The following MBLAC1 variants were observed in gnomAD, a reference collection of about 807,000 sequenced individuals.
MBLAC1 encodes metallo-beta-lactamase domain containing 1.
In MBLAC1, 1 loss-of-function variant was observed where a neutral mutation model predicts 1.5. That is an observed-to-expected ratio of 0.68 (90% CI 0.24 to 3.21). MBLAC1 has a LOEUF of 3.21. Among genes scored for constraint, MBLAC1 ranks in the 30% most tolerant of loss-of-function variants. MBLAC1 has a pLI of 0.20. For synonymous variants in MBLAC1, 197 were observed against 191.3 expected (o/e 1.03, Z -0.25); for missense variants, 371 against 384.7 (o/e 0.96, Z 0.30).
Position 100,127,941 on chromosome 7 carries a change from G to C in MBLAC1, c.546G>C (p.Thr182=), listed in dbSNP as rs369014996. ...ACGTGAGCGTGGTGGTGGCCGGCAC[G>C]GCTCTGGGCACCGTGGTGGTGGCGG... The part of the protein sequence containing the change: ...QRDVSVVVAG[T]ALGTVVVAGD... Residue 182 remains threonine, a synonymous_variant, in exon 2 of 2, where the codon ACG becomes ACC. Transcript: ENST00000398075. This position sits in a 1 kb window ranked among gnomAD's most constrained non-coding sequence, Gnocchi z 4.6. 43 of 1,598,290 alleles carry C rather than the reference G, an allele frequency of 2.7e-5. No individual in the cohort carries two copies. The highest frequency in any genetic ancestry group is 3.4e-5 in the Non-Finnish European group (40 of 1,172,634).
rs1275450526 is a variant in MBLAC1, at chr7:100,127,524, C to T, written c.129C>T (p.Ser43=). The change falls in exon 2 of 2, where the codon TCC becomes TCT. Residue 43 remains serine, a synonymous_variant. Transcript: ENST00000398075. The surrounding 1 kb of genome is among the most constrained non-coding windows in gnomAD (Gnocchi z 4.6). The part of the protein sequence containing the change: ...GVGDAVRADG[S]VTLVLPQTRG... ...GCGATGCCGTGCGCGCCGACGGCTCCGTGACCCTGGTCCTACCCCAGACCC... is the reference window on the plus strand; with the variant it reads ...GCGATGCCGTGCGCGCCGACGGCTCTGTGACCCTGGTCCTACCCCAGACCC... 6.4e-7 allele frequency: 1 copy of T among 1,567,744 alleles called. No homozygotes were observed. The highest frequency in any genetic ancestry group is 1.8e-5 in the Admixed American group (1 of 57,130).
chr7:100,127,892 C>A lies in MBLAC1; in HGVS notation c.497C>A (p.Thr166Lys), dbSNP rs1798269795. ...RLGPGLEVWATPGHGGQRDVS... is the reference protein window; with the variant it reads ...RLGPGLEVWAKPGHGGQRDVS... ...GGCCCGGGGCTCGAGGTGTGGGCCA[C>A]GCCGGGCCACGGGGGCCAGCGCGAC... The change falls in exon 2 of 2, where the codon ACG (threonine) becomes AAG (lysine). Residue 166 changes from threonine (T) to lysine (K), a missense_variant. Transcript: ENST00000398075. This position sits in a 1 kb window ranked among gnomAD's most constrained non-coding sequence, Gnocchi z 4.6. 2 of 1,565,372 alleles carry A rather than the reference C, an allele frequency of 1.3e-6. No homozygotes were observed.
chr7:100,128,141 G>A lies in MBLAC1; in HGVS notation c.746G>A (p.Gly249Glu), dbSNP rs1584594885. 2.5e-6 allele frequency: 4 copies of A among 1,606,166 alleles called. No homozygotes were observed. Among genetic ancestry groups the A allele is most frequent in the Non-Finnish European group, 3.4e-6 (4 of 1,176,694 alleles). Residue 249 changes from glycine to glutamate, a missense_variant, in exon 2 of 2, where the codon GGA (glycine) becomes GAA (glutamate). Coordinates refer to ENST00000398075, the MANE Select transcript of MBLAC1 (RefSeq NM_203397.3). ...REASQPETEG[G>E]GNSQQEPVVG... ...GCCTCGCAGCCCGAGACGGAGGGTG[G>A]AGGGAACAGCCAGCAGGAGCCGGTG...
Position 100,127,333 on chromosome 7 carries a change from A to G in MBLAC1, c.-28-35A>G. The G allele has an allele frequency of 6.9e-7, 1 of 1,439,292 alleles. No individual in the cohort carries two copies. The highest frequency in any genetic ancestry group is 2.2e-5 in the Admixed American group (1 of 46,484). The allele number at this position is 1,439,292 out of a possible 1,614,324, so 89.2% of individuals were successfully genotyped here. On this transcript the variant is annotated intron_variant, in intron 1 of 1. Coordinates refer to ENST00000398075, the MANE Select transcript of MBLAC1 (RefSeq NM_203397.3). This position sits in a 1 kb window ranked among gnomAD's most constrained non-coding sequence, Gnocchi z 4.6. Reference sequence around the variant, plus strand: ...GGGTGGGGGATCGCGGAGGGACAGGACGGTCGCCCACTGCTCCATTTCCTT... The same window carrying G: ...GGGTGGGGGATCGCGGAGGGACAGGGCGGTCGCCCACTGCTCCATTTCCTT...
chr7:100,128,277 G>T lies in MBLAC1; in HGVS notation c.*81G>T. 7.3e-7 allele frequency: 1 copy of T among 1,366,298 alleles called. No homozygotes were observed. The highest frequency in any genetic ancestry group is 2.5e-5 in the East Asian group (1 of 39,664). The allele number at this position is 1,366,298 out of a possible 1,614,324, so 84.6% of individuals were successfully genotyped here. A position where few individuals can be genotyped will look rare whatever the true frequency, so the allele number is the denominator to read the frequency against. ...CTGGAGACAGAGTCAGAGCAGTCAAGGGTGGGAGCTTCCAGCCCTTCCAGG... is the reference window on the plus strand; with the variant it reads ...CTGGAGACAGAGTCAGAGCAGTCAATGGTGGGAGCTTCCAGCCCTTCCAGG... On this transcript the variant is annotated 3_prime_UTR_variant, in exon 2 of 2. Transcript: ENST00000398075.
rs748821424 is a variant in MBLAC1, at chr7:100,127,926, G to T, written c.531G>T (p.Val177=). 17 of 1,589,284 alleles carry T rather than the reference G, an allele frequency of 1.1e-5. No individual in the cohort carries two copies. The South Asian group carries it at 1.8e-4, about 17-fold the overall frequency. ...ACGGGGGCCAGCGCGACGTGAGCGT[G>T]GTGGTGGCCGGCACGGCTCTGGGCA... ...PGHGGQRDVS[V]VVAGTALGTV... Residue 177 remains valine, a synonymous_variant, in exon 2 of 2, where the codon GTG becomes GTT. Coordinates refer to ENST00000398075, the MANE Select transcript of MBLAC1 (RefSeq NM_203397.3). This position sits in a 1 kb window ranked among gnomAD's most constrained non-coding sequence, Gnocchi z 4.6.
rs766542771 is a variant in MBLAC1, at chr7:100,127,974, G to A, written c.579G>A (p.Val193=). The change falls in exon 2 of 2, where the codon GTG becomes GTA. Residue 193 remains valine (V), a synonymous_variant. Coordinates refer to ENST00000398075, the MANE Select transcript of MBLAC1 (RefSeq NM_203397.3). The surrounding 1 kb of genome is among the most constrained non-coding windows in gnomAD (Gnocchi z 4.6). ...GCACCGTGGTGGTGGCGGGAGATGT[G>A]TTTGAGCGAGATGGGGACGAGGATT... ...ALGTVVVAGD[V]FERDGDEDSW... 24 of 1,611,274 alleles carry A rather than the reference G, an allele frequency of 1.5e-5. No homozygotes were observed. In the Admixed American group the frequency reaches 4.0e-4, roughly 27 times the overall value.
In MBLAC1 at chr7:100,127,126, G is replaced by A; in HGVS notation, c.-29+62G>A. Reference sequence around the variant, plus strand: ...AAGGATAGCCTTTGGAGGGTGACGGGCAAGGACGTACGTACCGCGAACGGA... The same window carrying A: ...AAGGATAGCCTTTGGAGGGTGACGGACAAGGACGTACGTACCGCGAACGGA... On this transcript the variant is annotated intron_variant, in intron 1 of 1. Coordinates refer to ENST00000398075, the MANE Select transcript of MBLAC1 (RefSeq NM_203397.3). This position sits in a 1 kb window ranked among gnomAD's most constrained non-coding sequence, Gnocchi z 4.6. The A allele has an allele frequency of 2.0e-6, 1 of 505,992 alleles. No individual in the cohort carries two copies. Among genetic ancestry groups the A allele is most frequent in the Non-Finnish European group, 3.5e-6 (1 of 284,592 alleles). 31.3% of individuals were successfully genotyped at this position (505,992 alleles called of 1,614,324 possible).
chr7:100,128,099 T>G lies in MBLAC1; in HGVS notation c.704T>G (p.Phe235Cys). The G allele has an allele frequency of 6.2e-7, 1 of 1,609,870 alleles. No homozygotes were observed. Among genetic ancestry groups the G allele is most frequent in the Non-Finnish European group, 8.5e-7 (1 of 1,178,384 alleles). Residue 235 changes from phenylalanine to cysteine, a missense_variant, in exon 2 of 2, where the codon TTT becomes TGT. By Grantham distance (205) the Phe-to-Cys change is radical. Coordinates refer to ENST00000398075, the MANE Select transcript of MBLAC1 (RefSeq NM_203397.3). ...DVVVPGHGPP[F>C]RVLREASQPE... ...GTCGTACCTGGTCACGGGCCCCCCT[T>G]TCGAGTGTTAAGGGAAGCCTCGCAG... is the stretch of plus-strand genomic sequence containing the variant.
chr7:100,127,344 C>G lies in MBLAC1; in HGVS notation c.-28-24C>G. On this transcript the variant is annotated intron_variant, in intron 1 of 1. Coordinates refer to ENST00000398075, the MANE Select transcript of MBLAC1 (RefSeq NM_203397.3). The surrounding 1 kb of genome is among the most constrained non-coding windows in gnomAD (Gnocchi z 4.6). ...CGCGGAGGGACAGGACGGTCGCCCA[C>G]TGCTCCATTTCCTTTCTCCCCAGCC... is the stretch of plus-strand genomic sequence containing the variant. The G allele has an allele frequency of 6.7e-7, 1 of 1,493,582 alleles. No individual in the cohort carries two copies. The highest frequency in any genetic ancestry group is 8.9e-7 in the Non-Finnish European group (1 of 1,120,330). The allele number at this position is 1,493,582 out of a possible 1,614,324, so 92.5% of individuals were successfully genotyped here.
chr7:100,127,328 A>G lies in MBLAC1; in HGVS notation c.-28-40A>G, dbSNP rs1008323387. On this transcript the variant is annotated intron_variant, in intron 1 of 1. Transcript: ENST00000398075. The surrounding 1 kb of genome is among the most constrained non-coding windows in gnomAD (Gnocchi z 4.6). Reference sequence around the variant, plus strand: ...AGCGCGGGTGGGGGATCGCGGAGGGACAGGACGGTCGCCCACTGCTCCATT... The same window carrying G: ...AGCGCGGGTGGGGGATCGCGGAGGGGCAGGACGGTCGCCCACTGCTCCATT... 7.1e-7 allele frequency: 1 copy of G among 1,417,070 alleles called. No homozygotes were observed. The highest frequency in any genetic ancestry group is 9.4e-7 in the Non-Finnish European group (1 of 1,064,720). 87.8% of individuals were successfully genotyped at this position (1,417,070 alleles called of 1,614,324 possible). A position where few individuals can be genotyped will look rare whatever the true frequency, so the allele number is the denominator to read the frequency against.
chr7:100,127,843 G>A lies in MBLAC1; in HGVS notation c.448G>A (p.Gly150Ser), dbSNP rs78225840. 2 of 1,563,950 alleles carry A rather than the reference G, an allele frequency of 1.3e-6. No homozygotes were observed. The highest frequency in any genetic ancestry group is 1.9e-5 in the Admixed American group (1 of 52,760). ...PGGRYLPHGL[G>S]EGQPLRLGPG... is the part of the protein sequence containing the mutation. ...AGGCCGCTACCTGCCCCACGGGCTG[G>A]GTGAGGGGCAGCCCCTGCGCCTGGG... The change falls in exon 2 of 2, where the codon GGT (glycine) becomes AGT (serine). Residue 150 changes from glycine (G) to serine (S), a missense_variant. Gly to Ser is a moderately conservative substitution (Grantham distance 56). Coordinates refer to ENST00000398075, the MANE Select transcript of MBLAC1 (RefSeq NM_203397.3). This position sits in a 1 kb window ranked among gnomAD's most constrained non-coding sequence, Gnocchi z 4.6.
At position 100,127,773 on chromosome 7, in the gene MBLAC1, C is replaced by A; in HGVS notation, c.378C>A (p.Phe126Leu). 1 of 1,560,634 alleles carries A rather than the reference C, an allele frequency of 6.4e-7. No homozygotes were observed. Residue 126 changes from phenylalanine (F) to leucine (L), a missense_variant, in exon 2 of 2, where the codon TTC (phenylalanine) becomes TTA (leucine). By Grantham distance (22) the Phe-to-Leu change is conservative. Transcript: ENST00000398075. This position sits in a 1 kb window ranked among gnomAD's most constrained non-coding sequence, Gnocchi z 4.6. ...HSDHIGNLGLFPGAALLVSHD... is the reference protein window; with the variant it reads ...HSDHIGNLGLLPGAALLVSHD... ...ATCACATCGGGAACTTGGGGCTGTT[C>A]CCAGGCGCGGCTCTGCTGGTCTCGC...
chr7:100,127,444 G>C lies in MBLAC1; in HGVS notation c.49G>C (p.Asp17His). The stretch of plus-strand genomic sequence containing the variant: ...GGCATCCCCTCTGCTGGTGCCCGGC[G>C]ACCCCTACTCTGTGGTGGTTCTGCT... ...CGASPLLVPG[D>H]PYSVVVLLQG... Residue 17 changes from aspartate to histidine, a missense_variant, in exon 2 of 2, where the codon GAC (aspartate) becomes CAC (histidine). Transcript: ENST00000398075. The surrounding 1 kb of genome is among the most constrained non-coding windows in gnomAD (Gnocchi z 4.6). 1 of 1,594,394 alleles carries C rather than the reference G, an allele frequency of 6.3e-7. No individual in the cohort carries two copies. The highest frequency in any genetic ancestry group is 8.5e-7 in the Non-Finnish European group (1 of 1,177,872).
rs373905825 is a variant in MBLAC1 at position 100,127,937 on chromosome 7, G to T, written c.542G>T (p.Gly181Val). The T allele has an allele frequency of 2.5e-5, 40 of 1,594,836 alleles. No individual in the cohort carries two copies. The highest frequency in any genetic ancestry group is 3.4e-5 in the Non-Finnish European group (40 of 1,171,000). ...GQRDVSVVVA[G>V]TALGTVVVAG... ...CGCGACGTGAGCGTGGTGGTGGCCGGCACGGCTCTGGGCACCGTGGTGGTG... is the reference window on the plus strand; with the variant it reads ...CGCGACGTGAGCGTGGTGGTGGCCGTCACGGCTCTGGGCACCGTGGTGGTG... The change falls in exon 2 of 2, where the codon GGC becomes GTC. Residue 181 changes from glycine to valine, a missense_variant. Transcript: ENST00000398075. This position sits in a 1 kb window ranked among gnomAD's most constrained non-coding sequence, Gnocchi z 4.6.
rs1562941975 is a variant in MBLAC1, at chr7:100,128,195, A to T, written c.800A>T (p.Ter267LeuextTer14). Residue 267 changes from the stop codon to leucine (L), a stop_lost, in exon 2 of 2, where the codon TAA becomes TTA. Coordinates refer to ENST00000398075, the MANE Select transcript of MBLAC1 (RefSeq NM_203397.3). ...GGAGACGAGGAGCCCGCCCTGCACT[A>T]ATCAGCCTCGAGAGGGACTGCACTC... ...VVGDEEPALH[*>L] is the part of the protein sequence containing the mutation. 1 of 1,581,242 alleles carries T rather than the reference A, an allele frequency of 6.3e-7. No homozygotes were observed. Among genetic ancestry groups the T allele is most frequent in the Admixed American group, 1.8e-5 (1 of 54,992 alleles).
In MBLAC1 at chr7:100,127,261, C is replaced by G. The variant is rs1360351986; in HGVS notation, c.-28-107C>G. On this transcript the variant is annotated intron_variant, in intron 1 of 1. Coordinates refer to ENST00000398075, the MANE Select transcript of MBLAC1 (RefSeq NM_203397.3). The surrounding 1 kb of genome is among the most constrained non-coding windows in gnomAD (Gnocchi z 4.6). ...AGGGTGATACCAACTTAATGGGAGG[C>G]GGGTGGCAGAGAACCGAGGCTTAGG... 8 of 804,744 alleles carry G rather than the reference C, an allele frequency of 9.9e-6. No homozygotes were observed. Among genetic ancestry groups the G allele is most frequent in the Non-Finnish European group, 1.5e-5 (8 of 530,664 alleles). The allele number at this position is 804,744 out of a possible 1,614,324, so 49.9% of individuals were successfully genotyped here. A position where few individuals can be genotyped will look rare whatever the true frequency, so the allele number is the denominator to read the frequency against.
chr7:100,128,072 T>A lies in MBLAC1; in HGVS notation c.677T>A (p.Val226Glu), dbSNP rs772067476. ...SRKRVLVVAD[V>E]VVPGHGPPFR... ...AAGAGGGTCCTGGTCGTTGCCGACG[T>A]GGTCGTACCTGGTCACGGGCCCCCC... is the stretch of plus-strand genomic sequence containing the variant. The change falls in exon 2 of 2, where the codon GTG (valine) becomes GAG (glutamate). Residue 226 changes from valine to glutamate, a missense_variant. Physicochemically the swap from Val to Glu is moderately radical, Grantham distance 121 (BLOSUM62 -2). Transcript: ENST00000398075. The A allele has an allele frequency of 7.4e-6, 12 of 1,611,690 alleles. No individual in the cohort carries two copies. In the South Asian group the frequency reaches 8.8e-5, roughly 12 times the overall value.
Position 100,127,361 on chromosome 7 carries a change from T to C in MBLAC1, c.-28-7T>C. 1 of 1,540,044 alleles carries C rather than the reference T, an allele frequency of 6.5e-7. No homozygotes were observed. On this transcript the variant is annotated splice_region_variant and splice_polypyrimidine_tract_variant and intron_variant, in intron 1 of 1. Transcript: ENST00000398075. The surrounding 1 kb of genome is among the most constrained non-coding windows in gnomAD (Gnocchi z 4.6). Reference sequence around the variant, plus strand: ...GTCGCCCACTGCTCCATTTCCTTTCTCCCCAGCCCGTCCCTCCCTGCCAGG... The same window carrying C: ...GTCGCCCACTGCTCCATTTCCTTTCCCCCCAGCCCGTCCCTCCCTGCCAGG...
Sources: allele counts gnomAD v4.1 joint callset, GRCh38; gene constraint gnomAD v4.1.1; non-coding constraint Gnocchi (gnomAD v3.1); transcripts MANE v1.5; gene names NCBI Gene and HGNC (gene_info 2026-07-23, HGNC 2026-07-21).